Variants in NBAS observed in about 807,000 individuals in gnomAD.
NBAS encodes NAG/BC035112 fusion.
Under a neutral mutation model 302.5 loss-of-function variants are expected in NBAS, and 219 were observed. The observed-to-expected ratio is 0.72, with a 90% CI of 0.65 to 0.81. The LOEUF (loss-of-function observed/expected upper bound fraction) is 0.81. Among genes scored for constraint, NBAS ranks in the 30% least tolerant of loss-of-function variants. The pLI, the probability that NBAS is intolerant of heterozygous loss-of-function variation, is 0.00. For synonymous variants in NBAS, 1,118 were observed against 1,021.6 expected (o/e 1.09, Z -1.80); for missense variants, 2,932 against 2,841.6 (o/e 1.03, Z -0.72).
At chr2:15,533,841 A>C (rs1369159803) in intron 9 of NBAS, among the ~76,000 whole-genome samples, 1 of 152,120 alleles carries the variant, frequency 6.6e-6, no homozygotes, top group Non-Finnish European at 1.5e-5. Flanking sequence ...GTATACTGAG[A>C]TTCCAAGTTA....
At chr2:15,326,259 G>A (rs769462316) in intron 38 of NBAS, among the ~76,000 whole-genome samples, 6 of 152,172 alleles carry the variant, frequency 3.9e-5, no homozygotes, top group South Asian at 2.1e-4. Flanking sequence ...TTGACATAGC[G>A]TTGCCATAAA....
intron 47 of NBAS, among the ~76,000 whole-genome samples, chr2:15,221,384 G>A (rs1011220777): frequency 6.6e-6 from 1 of 152,126 alleles, no homozygotes; most frequent in Non-Finnish European, 1.5e-5. Flanking sequence ...GTGGTACAGA[G>A]GAAGTACTTA....
At chr2:15,075,316 C>T in the NBAS span, among the ~76,000 whole-genome samples, 2 of 152,210 alleles carry the variant, frequency 1.3e-5, no homozygotes, top group African/African-American at 4.8e-5. Flanking sequence ...ACCCTGCCCC[C>T]TGCCCTGCAT....
chr2:15,051,734 A>G, the NBAS span, among the ~76,000 whole-genome samples: 1 of 152,354 alleles, frequency 6.6e-6, no homozygotes, highest in South Asian at 2.1e-4. Flanking sequence ...CAGGCATTTT[A>G]TCACATATCA....
the NBAS span, chr2:14,886,698 T>C: frequency 4.6e-5 from 7 of 152,346 alleles, no homozygotes; most frequent in African/African-American, 1.7e-4. Context: ...CCAAACTCTA[T>C]TACCATTCTT....
At chr2:15,245,879 T>C (rs529774482) in intron 44 of NBAS, among the ~76,000 whole-genome samples, 178 of 152,182 alleles carry the variant, frequency 1.2e-3, no homozygotes, top group Non-Finnish European at 2.2e-3. Flanking sequence ...TGGCTGGTTT[T>C]TGCAATCCTT....
At chr2:15,146,591 GTCCAGTGAGA>G in the NBAS span, among the ~76,000 whole-genome samples, 1 of 152,132 alleles carries the variant, frequency 6.6e-6, no homozygotes, top group African/African-American at 2.4e-5. Flanking sequence ...AGGCTGCCAT[GTCCAGTGAGA>G]ATGACCTGCC....
At chr2:14,999,476 G>A in the NBAS span, among the ~76,000 whole-genome samples, 4 of 152,150 alleles carry the variant, frequency 2.6e-5, no homozygotes, top group South Asian at 2.1e-4. Context: ...TCATGGGGGC[G>A]GATTTCCCCC....
At chr2:15,304,850 T>C (rs1670958878) in intron 40 of NBAS, among the ~76,000 whole-genome samples, 1 of 152,166 alleles carries the variant, frequency 6.6e-6, no homozygotes, top group African/African-American at 2.4e-5. Context: ...GCAATCAGTT[T>C]TATGCATTCA....
the NBAS span, among the ~76,000 whole-genome samples, chr2:14,845,466 C>A: frequency 6.6e-6 from 1 of 152,166 alleles, no homozygotes; most frequent in African/African-American, 2.4e-5. Flanking sequence ...GTAAAGACTG[C>A]ACTAAATCCT....
At chr2:15,198,757 T>C (rs1005839234) in intron 48 of NBAS, among the ~76,000 whole-genome samples, 1 of 152,166 alleles carries the variant, frequency 6.6e-6, no homozygotes, top group Non-Finnish European at 1.5e-5. Flanking sequence ...CAAATGATAA[T>C]TTTGTCTACT....
At chr2:15,244,007 GAGATCCAATTAATGATGTCATCCTTAAAC>G (rs1160978899) in intron 44 of NBAS, among the ~76,000 whole-genome samples, 11 of 152,208 alleles carry the variant, frequency 7.2e-5, no homozygotes, top group African/African-American at 2.4e-4. Flanking sequence ...ACTCAGGGCA[GAGATCCAATTAATGATGTCATCCTTAAAC>G]AGAAACCTGA....
intron 38 of NBAS, among the ~76,000 whole-genome samples, chr2:15,315,439 G>T (rs998517837): frequency 6.6e-6 from 1 of 152,302 alleles, no homozygotes; most frequent in Admixed American, 6.5e-5. Flanking sequence ...CAATAAAAAT[G>T]CTGGGGAAGA....
At chr2:15,098,574 TA>T in the NBAS span, among the ~76,000 whole-genome samples, 1 of 118,574 alleles carries the variant, frequency 8.4e-6, no homozygotes, top group African/African-American at 3.4e-5. Context: ...ATATTGTATA[TA>T]ATGTATTATA....
the NBAS span, among the ~76,000 whole-genome samples, chr2:15,136,058 A>G: frequency 6.6e-6 from 1 of 152,200 alleles, no homozygotes; most frequent in Non-Finnish European, 1.5e-5. Context: ...TCCGGTCAAG[A>G]GGCAACGCCT....
At position 15,539,310 on chromosome 2, in the gene NBAS, G is replaced by GT. The variant is rs1663682919; in HGVS notation, c.425dup (p.Tyr142Ter). 2 of 1,614,214 alleles carry GT rather than the reference G, an allele frequency of 1.2e-6. No individual in the cohort carries two copies. The highest frequency in any genetic ancestry group is 8.5e-7 in the Non-Finnish European group (1 of 1,180,040). ...KPQWRRVAWS[Y>*]DCTLLAYAES... ...CGGCATAGGCCAGTAGGGTACAATC[G>GT]TAACTCCATGCTACCCGTCTCCACT... The change falls in exon 7 of 52, where the codon TAC becomes TAAC. Residue 142 changes from tyrosine to a stop codon, truncating the protein, a stop_gained and frameshift_variant. Coordinates refer to ENST00000281513, the MANE Select transcript of NBAS (RefSeq NM_015909.4). LOFTEE classifies it high-confidence loss of function.
chr2:15,274,153 G>T (rs1669462455), intron 44 of NBAS, among the ~76,000 whole-genome samples: 1 of 152,060 alleles, frequency 6.6e-6, no homozygotes, highest in Admixed American at 6.6e-5. Context: ...AGCAGTGGTT[G>T]TAAAATTTAA....
chr2:15,415,651 T>C lies in NBAS; in HGVS notation c.2832A>G (p.Lys944=). ...GCTCATTAGCCACACCAGGCGACTG[T>C]TTCTCACAACGATGAAGAAAGGGAA... The part of the protein sequence containing the change: ...WMVPFLHRCE[K]QSPGVANELL... The change falls in exon 25 of 52, where the codon AAA becomes AAG. Residue 944 remains lysine (K), a synonymous_variant. Coordinates refer to ENST00000281513, the MANE Select transcript of NBAS (RefSeq NM_015909.4). The C allele has an allele frequency of 1.2e-6, 2 of 1,614,164 alleles. No individual in the cohort carries two copies. Among genetic ancestry groups the C allele is most frequent in the Non-Finnish European group, 1.7e-6 (2 of 1,180,036 alleles).
At chr2:15,258,277 A>G (rs1376469996) in intron 44 of NBAS, among the ~76,000 whole-genome samples, 1 of 152,164 alleles carries the variant, frequency 6.6e-6, no homozygotes, top group Admixed American at 6.5e-5. Context: ...ATTGATTGTA[A>G]AATGTGTGTT....
Sources: allele counts gnomAD v4.1 joint callset (sites outside exome capture counted in the v4.1 genomes callset), GRCh38; gene constraint gnomAD v4.1.1; transcripts MANE v1.5; gene names NCBI Gene and HGNC (gene_info 2026-07-23, HGNC 2026-07-21).